The following RGS22 variants were observed in gnomAD, a reference collection of about 807,000 sequenced individuals.
RGS22 encodes regulator of G protein signaling 22, also known as regulator of G-protein signaling 22.
Under a neutral mutation model 172.9 loss-of-function variants are expected in RGS22, and 148 were observed. The observed-to-expected ratio is 0.86, with a 90% CI of 0.75 to 0.98. The LOEUF (loss-of-function observed/expected upper bound fraction) is 0.98, where lower values mean the gene tolerates loss of function less well. Among genes scored for constraint, RGS22 ranks in the 50% least tolerant of loss-of-function variants. RGS22 has a pLI of 0.00. For missense variants in RGS22, 1,347 were observed against 1,440.8 expected (o/e 0.93, Z 1.05); for synonymous variants, 458 against 480.2 (o/e 0.95, Z 0.60).
chr8:100,039,378 C>CT lies in RGS22; in HGVS notation c.2065-347dup, dbSNP rs56745564. The stretch of plus-strand genomic sequence containing the variant: ...CTCTAGTAATTGAACCAGTTAAATA[C>CT]TTTTTTTTTTTTTTTTTGAGACAGT... On this transcript the variant is annotated intron_variant, in intron 13 of 27. Transcript: ENST00000360863. Among the ~76,000 whole-genome samples, 819 of 123,424 alleles carry CT rather than the reference C, an allele frequency of 6.6e-3. 10 individuals are homozygous for CT. The highest frequency in any genetic ancestry group is 0.023 in the African/African-American group (742 of 32,788). The allele number at this position is 123,424 out of a possible 152,430, so 81.0% of individuals were successfully genotyped here. A position where few individuals can be genotyped will look rare whatever the true frequency, so the allele number is the denominator to read the frequency against.
chr8:100,066,118 A>G, intron 7 of RGS22, 49 bp downstream of exon 7: 6 of 1,576,928 alleles, frequency 3.8e-6, no homozygotes, highest in Non-Finnish European at 5.2e-6. Context: ...ACAAACAAAC[A>G]AAAACTTAAA....
At chr8:100,104,334 G>A (rs1304854876) in intron 2 of RGS22, among the ~76,000 whole-genome samples, 2 of 71,176 alleles carry the variant, frequency 2.8e-5, no homozygotes, top group Non-Finnish European at 7.4e-5. Context: ...ATGTGCGTGT[G>A]TGTGTGTGTG....
intron 9 of RGS22, among the ~76,000 whole-genome samples, chr8:100,057,855 C>T (rs1015667069): frequency 6.6e-6 from 1 of 152,036 alleles, no homozygotes; most frequent in African/African-American, 2.4e-5. Context: ...AACAACCTCA[C>T]CAAATGAATG....
Position 100,072,289 on chromosome 8 carries a change from T to C in RGS22, c.340-59A>G, listed in dbSNP as rs145733683. ...CAGAGAAAATCACTTTTAGGATGAT[T>C]AACACCTAATAGTGAGAGCAATAAT... On this transcript the variant is annotated intron_variant, in intron 4 of 27. Coordinates refer to ENST00000360863, the MANE Select transcript of RGS22 (RefSeq NM_015668.5). 5.2e-5 allele frequency: 53 copies of C among 1,012,284 alleles called. No homozygotes were observed. In the African/African-American group the frequency reaches 6.5e-4, roughly 12 times the overall value. 62.7% of individuals were successfully genotyped at this position (1,012,284 alleles called of 1,614,324 possible). A position where few individuals can be genotyped will look rare whatever the true frequency, so the allele number is the denominator to read the frequency against.
intron 3 of RGS22, among the ~76,000 whole-genome samples, chr8:100,087,966 A>G (rs557339891): frequency 1.3e-5 from 2 of 152,270 alleles, no homozygotes; most frequent in South Asian, 4.1e-4. Context: ...CCAGAGGTGC[A>G]AACACTGAAC....
At chr8:100,102,562 TAA>T (rs1216349813) in intron 2 of RGS22, among the ~76,000 whole-genome samples, 2 of 152,244 alleles carry the variant, frequency 1.3e-5, no homozygotes, top group African/African-American at 4.8e-5. Flanking sequence ...AATCTGGTTA[TAA>T]ACTGCTCTCA....
chr8:100,052,594 C>T (rs533607871), intron 10 of RGS22, among the ~76,000 whole-genome samples: 3 of 152,190 alleles, frequency 2.0e-5, no homozygotes, highest in African/African-American at 4.8e-5. Flanking sequence ...GCCACCGCGC[C>T]CGGCCATGAT....
At chr8:100,027,046 A>G (rs1818256177) in intron 14 of RGS22, among the ~76,000 whole-genome samples, 2 of 152,150 alleles carry the variant, frequency 1.3e-5, no homozygotes, top group Admixed American at 1.3e-4. Flanking sequence ...CCTGGGCAAC[A>G]TGTGAGACCC....
At chr8:100,079,594 A>C (rs1811597279) in intron 4 of RGS22, among the ~76,000 whole-genome samples, 1 of 152,226 alleles carries the variant, frequency 6.6e-6, no homozygotes, top group Admixed American at 6.5e-5. Flanking sequence ...ATCATTTGAC[A>C]GATGATGAAA....
At chr8:99,972,489 T>C (rs1811468468) in intron 23 of RGS22, among the ~76,000 whole-genome samples, 1 of 152,208 alleles carries the variant, frequency 6.6e-6, no homozygotes, top group Non-Finnish European at 1.5e-5. Flanking sequence ...AGAAAGTTTA[T>C]GCAATCTATC....
intron 9 of RGS22, among the ~76,000 whole-genome samples, chr8:100,053,932 C>A (rs1355663456): frequency 2.6e-5 from 4 of 152,122 alleles, no homozygotes; most frequent in East Asian, 1.9e-4. Context: ...CTGCGCCTGG[C>A]CTATAAACAT....
At chr8:100,099,455 T>C (rs1813290850) in intron 2 of RGS22, among the ~76,000 whole-genome samples, 1 of 152,234 alleles carries the variant, frequency 6.6e-6, no homozygotes, top group Non-Finnish European at 1.5e-5. Context: ...CAATGTACTT[T>C]TAATTCAAAC....
intron 2 of RGS22, 37 bp downstream of exon 2, chr8:100,105,337 G>A (rs1390963462): frequency 6.5e-7 from 1 of 1,544,604 alleles, no homozygotes; most frequent in Non-Finnish European, 8.9e-7. Context: ...TTTTTTAAAG[G>A]CCAAAGAAAA....
intron 14 of RGS22, among the ~76,000 whole-genome samples, chr8:100,012,150 G>A (rs1239924767): frequency 6.6e-6 from 1 of 151,834 alleles, no homozygotes; most frequent in Non-Finnish European, 1.5e-5. Flanking sequence ...CAAAGGTGCT[G>A]GTTAAAGTGC....
intron 18 of RGS22, among the ~76,000 whole-genome samples, chr8:100,000,385 AAAG>A (rs1243087257): frequency 6.6e-6 from 1 of 152,160 alleles, no homozygotes; most frequent in Non-Finnish European, 1.5e-5. Context: ...TAAAAACAAA[AAAG>A]AAAAAGAAAA....
intron 2 of RGS22, among the ~76,000 whole-genome samples, chr8:100,095,592 T>TA (rs1317506141): frequency 6.6e-6 from 1 of 152,332 alleles, no homozygotes; most frequent in African/African-American, 2.4e-5. Flanking sequence ...TTTTTGTTAT[T>TA]AAATTTAACA....
rs192707563 is a variant in RGS22 at position 100,022,748 on chromosome 8, T to C, written c.2167-14179A>G. Among the ~76,000 whole-genome samples, 31 of 151,580 alleles carry C rather than the reference T, an allele frequency of 2.0e-4. No homozygotes were observed. In the East Asian group the frequency reaches 5.8e-3, roughly 28 times the overall value. ...AAATTCAATTAAATTAATTAATTAA[T>C]TTATTTATTTATTTTTAAATAGGGT... is the stretch of plus-strand genomic sequence containing the variant. On this transcript the variant is annotated intron_variant, in intron 14 of 27. Coordinates refer to ENST00000360863, the MANE Select transcript of RGS22 (RefSeq NM_015668.5).
At chr8:100,102,400 C>A (rs1336185627) in intron 2 of RGS22, among the ~76,000 whole-genome samples, 2 of 152,198 alleles carry the variant, frequency 1.3e-5, no homozygotes, top group Non-Finnish European at 2.9e-5. Context: ...GTTTGGGGAA[C>A]TACAGGTCCG....
chr8:100,031,701 T>C (rs1818831317), intron 14 of RGS22, among the ~76,000 whole-genome samples: 1 of 152,146 alleles, frequency 6.6e-6, no homozygotes, highest in Admixed American at 6.6e-5. Context: ...TGTTAGGATA[T>C]AACTTATCTG....
Sources: gnomAD v4.1 joint callset for allele counts (sites outside exome capture counted in the v4.1 genomes callset) on GRCh38, gnomAD v4.1.1 for gene constraint, MANE v1.5 for transcripts, NCBI Gene and HGNC (gene_info 2026-07-23, HGNC 2026-07-21) for gene names.